The following WNT3A variants were observed in gnomAD, a reference collection of about 807,000 sequenced individuals.
WNT3A encodes the protein Wnt family member 3A.
A neutral mutation model predicts 37.0 loss-of-function variants in WNT3A; 17 were observed. That is an observed-to-expected ratio of 0.46 (90% CI 0.31 to 0.69). The LOEUF (loss-of-function observed/expected upper bound fraction) is 0.69, where lower values mean the gene tolerates loss of function less well. WNT3A is among the 30% of genes least tolerant of loss of function. The pLI, the probability that WNT3A is intolerant of heterozygous loss-of-function variation, is 0.05. For synonymous variants in WNT3A, 187 were observed against 211.0 expected, an observed-to-expected ratio of 0.89 and a Z score of 0.99; for missense variants, 411 against 510.2, an observed-to-expected ratio of 0.81 and a Z score of 1.87.
In WNT3A at chr1:228,022,728, A is replaced by C; in HGVS notation, c.133A>C (p.Ile45Leu). ...CTCGCAGCCCATCCTGTGTGCCAGC[A>C]TCCCGGGCCTGGTCCCCAAGCAGCT... The part of the protein sequence containing the change: ...LGSQPILCAS[I>L]PGLVPKQLRF... Residue 45 changes from isoleucine to leucine, a missense_variant, in exon 2 of 4, where the codon ATC (isoleucine) becomes CTC (leucine). Ile to Leu is a conservative substitution (Grantham distance 5). Coordinates refer to ENST00000284523, the MANE Select transcript of WNT3A (RefSeq NM_033131.4). 1.2e-6 allele frequency: 2 copies of C among 1,614,124 alleles called. No individual in the cohort carries two copies. The highest frequency in any genetic ancestry group is 1.7e-6 in the Non-Finnish European group (2 of 1,180,026).
chr1:228,044,892 C>T (rs2102776354), intron 2 of WNT3A, among the ~76,000 whole-genome samples: 1 of 152,346 alleles, frequency 6.6e-6, no homozygotes, highest in African/African-American at 2.4e-5. Flanking sequence ...GGTGTCTGTC[C>T]TGGGATCTGA....
chr1:228,014,623 CA>C (rs1474035577), intron 1 of WNT3A, among the ~76,000 whole-genome samples: 2 of 152,376 alleles, frequency 1.3e-5, no homozygotes, highest in Middle Eastern at 3.4e-3. Flanking sequence ...CCTGAGCTTC[CA>C]TCCACAGGGA....
rs553024631 is a variant in WNT3A at position 228,049,591 on chromosome 1, C to G, written c.314-1065C>G. 5.9e-5 allele frequency among the ~76,000 whole-genome samples: 9 copies of G among 152,272 alleles called. No homozygotes were observed. In the South Asian group the frequency reaches 1.9e-3, roughly 32 times the overall value. On this transcript the variant is annotated intron_variant, in intron 2 of 3. Transcript: ENST00000284523. Reference sequence around the variant, plus strand: ...GCCAAAGTGCCTCCCAAGGGGACTGCACCTTTCCCCTCCATCCAGCTGTGA... The same window carrying G: ...GCCAAAGTGCCTCCCAAGGGGACTGGACCTTTCCCCTCCATCCAGCTGTGA...
chr1:228,058,907 A>T (rs1454077159), intron 3 of WNT3A, 79 bp from the exon 4 acceptor site: 1 of 1,386,326 alleles, frequency 7.2e-7, no homozygotes, highest in East Asian at 2.5e-5. Flanking sequence ...GGTAGGCTGC[A>T]GGCGACATGT....
rs1017995459 is a variant in WNT3A, at chr1:228,038,257, G to A, written c.314-12399G>A. Among the ~76,000 whole-genome samples the A allele has an allele frequency of 3.3e-5, 5 of 152,228 alleles. No individual in the cohort carries two copies. The highest frequency in any genetic ancestry group is 1.2e-4 in the African/African-American group (5 of 41,564). On this transcript the variant is annotated intron_variant, in intron 2 of 3. Transcript: ENST00000284523. This position sits in a 1 kb window ranked among gnomAD's most constrained non-coding sequence, Gnocchi z 5.7. ...TGAGGGAAGGTGGGCAGCCCCCGAG[G>A]GGAGGCGCCCGGGCGTCGGCTCCGG...
In WNT3A at chr1:228,031,773, C is replaced by T. The variant is rs2031017696; in HGVS notation, c.313+8865C>T. Among the ~76,000 whole-genome samples the T allele has an allele frequency of 6.6e-6, 1 of 152,112 alleles. No individual in the cohort carries two copies. The highest frequency in any genetic ancestry group is 2.4e-5 in the African/African-American group (1 of 41,402). ...GTTGCTGCCCGCTAGGGTTCCTGGG[C>T]TGTGCTGTAGCCAGTGGTGGCATGG... On this transcript the variant is annotated intron_variant, in intron 2 of 3. Coordinates refer to ENST00000284523, the MANE Select transcript of WNT3A (RefSeq NM_033131.4). The surrounding 1 kb of genome is among the most constrained non-coding windows in gnomAD (Gnocchi z 4.8).
At chr1:228,035,209 T>C (rs960644730) in intron 2 of WNT3A, among the ~76,000 whole-genome samples, 4 of 152,234 alleles carry the variant, frequency 2.6e-5, no homozygotes, top group African/African-American at 9.6e-5. Flanking sequence ...CAGTATTTTC[T>C]AGGCACCATT....
intron 2 of WNT3A, among the ~76,000 whole-genome samples, chr1:228,040,904 A>G (rs1364585472): frequency 6.8e-6 from 1 of 146,858 alleles, no homozygotes; most frequent in Non-Finnish European, 1.5e-5. Context: ...AAAAAAAAGA[A>G]TTTGGAAACA....
At position 228,042,762 on chromosome 1, in the gene WNT3A, G is replaced by C. The variant is rs1345760653; in HGVS notation, c.314-7894G>C. Among the ~76,000 whole-genome samples, 2 of 151,866 alleles carry C rather than the reference G, an allele frequency of 1.3e-5. No homozygotes were observed. The highest frequency in any genetic ancestry group is 2.9e-5 in the Non-Finnish European group (2 of 67,956). On this transcript the variant is annotated intron_variant, in intron 2 of 3. Coordinates refer to ENST00000284523, the MANE Select transcript of WNT3A (RefSeq NM_033131.4). This position sits in a 1 kb window ranked among gnomAD's most constrained non-coding sequence, Gnocchi z 5.2. Reference sequence around the variant, plus strand: ...GATATGGATGATGAATGGATGAATGGTGGATGATGGATGATAGATGGATGA... The same window carrying C: ...GATATGGATGATGAATGGATGAATGCTGGATGATGGATGATAGATGGATGA...
At chr1:228,030,805 C>T (rs2030982796) in intron 2 of WNT3A, among the ~76,000 whole-genome samples, 1 of 152,234 alleles carries the variant, frequency 6.6e-6, no homozygotes, top group Non-Finnish European at 1.5e-5. Context: ...GAGTGTCCCC[C>T]ACGCTTGCTC....
rs538565897 is a variant in WNT3A, at chr1:228,013,833, G to A, written c.71+6634G>A. 7.9e-5 allele frequency among the ~76,000 whole-genome samples: 12 copies of A among 152,360 alleles called. No individual in the cohort carries two copies. In the East Asian group the frequency reaches 2.1e-3, roughly 27 times the overall value. Reference sequence around the variant, plus strand: ...CAACAGGGAAACACTTCGAGCCTCAGGTCTGAGGAAGGAAGCCTTATCACC... The same window carrying A: ...CAACAGGGAAACACTTCGAGCCTCAAGTCTGAGGAAGGAAGCCTTATCACC... On this transcript the variant is annotated intron_variant, in intron 1 of 3. Transcript: ENST00000284523.
rs2031003777 is a variant in WNT3A, at chr1:228,031,379, A to G, written c.313+8471A>G. 6.6e-6 allele frequency among the ~76,000 whole-genome samples: 1 copy of G among 152,216 alleles called. No homozygotes were observed. Among genetic ancestry groups the G allele is most frequent in the Non-Finnish European group, 1.5e-5 (1 of 68,042 alleles). On this transcript the variant is annotated intron_variant, in intron 2 of 3. Transcript: ENST00000284523. The surrounding 1 kb of genome is among the most constrained non-coding windows in gnomAD (Gnocchi z 4.8). ...ATACTTACAGCTTGTCAGACCTCAC[A>G]GAGCTGCTGGCTGGGGTAATACACC...
In WNT3A at chr1:228,039,514, G is replaced by C. The variant is rs555890721; in HGVS notation, c.314-11142G>C. ...AGGCTCCTGTTCAGGGTCTTGTCCA[G>C]GGTCCCATAGAGCCCTTACAAAGTC... On this transcript the variant is annotated intron_variant, in intron 2 of 3. Coordinates refer to ENST00000284523, the MANE Select transcript of WNT3A (RefSeq NM_033131.4). This position sits in a 1 kb window ranked among gnomAD's most constrained non-coding sequence, Gnocchi z 4.1. Among the ~76,000 whole-genome samples the C allele has an allele frequency of 6.6e-6, 1 of 152,298 alleles. No homozygotes were observed. The highest frequency in any genetic ancestry group is 2.1e-4 in the South Asian group (1 of 4,826).
rs750227757 is a variant in WNT3A at position 228,050,860 on chromosome 1, G to T, written c.518G>T (p.Arg173Leu). 2 of 1,592,326 alleles carry T rather than the reference G, an allele frequency of 1.3e-6. No homozygotes were observed. Among genetic ancestry groups the T allele is most frequent in the South Asian group, 1.1e-5 (1 of 89,492 alleles). ...GTGTCTCGGGAGTTCGCCGACGCCC[G>T]GGAGAACCGGCCAGATGCCCGCTCA... is the stretch of plus-strand genomic sequence containing the variant. ...GMVSREFADA[R>L]ENRPDARSAM... The change falls in exon 3 of 4, where the codon CGG (arginine) becomes CTG (leucine). Residue 173 changes from arginine to leucine, a missense_variant. By Grantham distance (102) the Arg-to-Leu change is moderately radical (BLOSUM62 -2). Transcript: ENST00000284523. The surrounding 1 kb of genome is among the most constrained non-coding windows in gnomAD (Gnocchi z 5.0).
In WNT3A at chr1:228,007,118, C is replaced by T; in HGVS notation, c.-11C>T. The T allele has an allele frequency of 1.3e-6, 2 of 1,569,266 alleles. No homozygotes were observed. The highest frequency in any genetic ancestry group is 1.7e-4 in the Middle Eastern group (1 of 5,888). The stretch of plus-strand genomic sequence containing the variant: ...GCGGACTCCCGGCCCTCCGCGCCCT[C>T]TCGCGCGGCGATGGCCCCACTCGGA... On this transcript the variant is annotated 5_prime_UTR_variant, in exon 1 of 4. Coordinates refer to ENST00000284523, the MANE Select transcript of WNT3A (RefSeq NM_033131.4). This position sits in a 1 kb window ranked among gnomAD's most constrained non-coding sequence, Gnocchi z 6.0.
chr1:228,046,110 C>A (rs931239036), intron 2 of WNT3A, among the ~76,000 whole-genome samples: 1 of 152,188 alleles, frequency 6.6e-6, no homozygotes, highest in Non-Finnish European at 1.5e-5. Flanking sequence ...GGAAAGAGCC[C>A]GAGGGGAGGA....
Position 228,007,732 on chromosome 1 carries a change from C to G in WNT3A, c.71+533C>G, listed in dbSNP as rs1186420991. Among the ~76,000 whole-genome samples the G allele has an allele frequency of 6.6e-6, 1 of 152,076 alleles. No individual in the cohort carries two copies. The highest frequency in any genetic ancestry group is 2.4e-5 in the African/African-American group (1 of 41,424). On this transcript the variant is annotated intron_variant, in intron 1 of 3. Transcript: ENST00000284523. The surrounding 1 kb of genome is among the most constrained non-coding windows in gnomAD (Gnocchi z 6.0). ...GACCCGGCGGGGAGTGGCGCAGAGC[C>G]GGCGGCGGGGCGCACTGGGGGCCGG...
chr1:228,036,470 C>A (rs2031147489), intron 2 of WNT3A, among the ~76,000 whole-genome samples: 1 of 152,158 alleles, frequency 6.6e-6, no homozygotes, highest in Non-Finnish European at 1.5e-5. Flanking sequence ...TGCCGTCCAC[C>A]TGGCCTGGGG....
chr1:228,044,857 A>G (rs989645046), intron 2 of WNT3A, among the ~76,000 whole-genome samples: 7 of 152,218 alleles, frequency 4.6e-5, no homozygotes, highest in Admixed American at 6.5e-5. Context: ...TGCAGCCTGC[A>G]GCTTCTACTT....
Sources: gnomAD v4.1 joint callset for allele counts (sites outside exome capture counted in the v4.1 genomes callset) on GRCh38, gnomAD v4.1.1 for gene constraint, Gnocchi (gnomAD v3.1) non-coding constraint, MANE v1.5 for transcripts, NCBI Gene and HGNC (gene_info 2026-07-23, HGNC 2026-07-21) for gene names.